The following TMEM72 variants were observed in gnomAD, a reference collection of about 807,000 sequenced individuals.
TMEM72 encodes the protein kidney-specific secretory protein of 37 kDa.
A neutral mutation model predicts 16.3 loss-of-function variants in TMEM72; 9 were observed. The ratio of observed to expected loss-of-function variants is 0.55; its 90% CI spans 0.33 to 0.96. TMEM72 has a LOEUF of 0.96. TMEM72 is among the 40% of genes least tolerant of loss of function. The pLI is 0.03. For synonymous variants in TMEM72, 160 were observed against 146.5 expected (o/e 1.09, Z -0.66); for missense variants, 324 against 337.8 (o/e 0.96, Z 0.32).
intron 3 of TMEM72, among the ~76,000 whole-genome samples, chr10:44,932,938 C>T (rs1351017554): frequency 6.6e-6 from 1 of 152,202 alleles, no homozygotes; most frequent in Non-Finnish European, 1.5e-5. Flanking sequence ...TTTGGGCCAC[C>T]TGGACAGCCT....
chr10:44,933,409 C>G (rs1361955025), intron 3 of TMEM72, among the ~76,000 whole-genome samples: 1 of 152,252 alleles, frequency 6.6e-6, no homozygotes, highest in African/African-American at 2.4e-5. Context: ...CCCCTTCGAC[C>G]AGAAAAACAG....
At chr10:44,915,327 G>C (rs1325920339) in intron 1 of TMEM72, among the ~76,000 whole-genome samples, 1 of 152,284 alleles carries the variant, frequency 6.6e-6, no homozygotes, top group South Asian at 2.1e-4. Context: ...GCTTTGCACT[G>C]TGTATTTTAA....
At chr10:44,918,837 C>T (rs1840049804) in intron 1 of TMEM72, among the ~76,000 whole-genome samples, 1 of 152,042 alleles carries the variant, frequency 6.6e-6, no homozygotes, top group African/African-American at 2.4e-5. Context: ...GCTCCCTAGG[C>T]CCTTCTATCA....
intron 1 of TMEM72, among the ~76,000 whole-genome samples, chr10:44,917,842 A>G (rs1402121855): frequency 2.0e-5 from 3 of 152,198 alleles, no homozygotes; most frequent in African/African-American, 7.2e-5. Flanking sequence ...CTGAGAAGGA[A>G]TAGGAAGTGA....
intron 2 of TMEM72, among the ~76,000 whole-genome samples, chr10:44,929,678 G>A (rs1190142292): frequency 6.6e-6 from 1 of 152,156 alleles, no homozygotes; most frequent in African/African-American, 2.4e-5. Context: ...ACCACCTCTG[G>A]TCCACACCCT....
At chr10:44,934,522 G>A in intron 4 of TMEM72, 134 bp from the exon 5 acceptor site, 1 of 852,034 alleles carries the variant, frequency 1.2e-6, no homozygotes. Flanking sequence ...CCAGGCAAGA[G>A]GGCCAGGGCC....
intron 1 of TMEM72, among the ~76,000 whole-genome samples, chr10:44,926,126 T>C (rs1840186356): frequency 6.7e-6 from 1 of 149,230 alleles, no homozygotes. Flanking sequence ...CACACATACA[T>C]ACACTCACAC....
At chr10:44,926,801 C>T (rs531093541) in intron 1 of TMEM72, among the ~76,000 whole-genome samples, 159 of 152,220 alleles carry the variant, frequency 1.0e-3, no homozygotes, top group African/African-American at 3.8e-3. Context: ...TCCCACCCCC[C>T]ACCCCCAGAA....
rs145493651 is a variant in TMEM72 at position 44,924,821 on chromosome 10, C to T, written c.71-3100C>T. Among the ~76,000 whole-genome samples, 4 of 152,358 alleles carry T rather than the reference C, an allele frequency of 2.6e-5. No homozygotes were observed. In the East Asian group the frequency reaches 7.7e-4, roughly 29 times the overall value. ...CTGGCTCCCCACACTCTCCTCCTCC[C>T]GCCAGGTGGCATTCCTCAGTCTCGG... On this transcript the variant is annotated intron_variant, in intron 1 of 4. Coordinates refer to ENST00000389583, the MANE Select transcript of TMEM72 (RefSeq NM_001123376.3).
chr10:44,923,067 T>C (rs373099138), intron 1 of TMEM72: 20 of 152,314 alleles, frequency 1.3e-4, no homozygotes, highest in African/African-American at 4.6e-4. Flanking sequence ...CAGAACTCAG[T>C]GGAGGCGGCT....
chr10:44,927,050 TG>T (rs1840207010), intron 1 of TMEM72, among the ~76,000 whole-genome samples: 1 of 151,964 alleles, frequency 6.6e-6, no homozygotes, highest in African/African-American at 2.4e-5. Flanking sequence ...CATCTTTGAC[TG>T]GGAGGAAGAG....
chr10:44,925,303 C>T (rs1840167811), intron 1 of TMEM72, among the ~76,000 whole-genome samples: 1 of 152,220 alleles, frequency 6.6e-6, no homozygotes, highest in Non-Finnish European at 1.5e-5. Flanking sequence ...AAATAGCTCT[C>T]CACATGCCAA....
chr10:44,935,330 G>T lies in TMEM72; in HGVS notation c.*196G>T, dbSNP rs899652866. On this transcript the variant is annotated 3_prime_UTR_variant, in exon 5 of 5. Coordinates refer to ENST00000389583, the MANE Select transcript of TMEM72 (RefSeq NM_001123376.3). ...AGGCCTCGAGGGAGGCACAAACAAG[G>T]CTCACGCCACCTCAAGCCAGCACAA... is the stretch of plus-strand genomic sequence containing the variant. The T allele has an allele frequency of 1.9e-6, 1 of 531,484 alleles. No homozygotes were observed. Among genetic ancestry groups the T allele is most frequent in the African/African-American group, 1.9e-5 (1 of 52,090 alleles). 32.9% of individuals were successfully genotyped at this position (531,484 alleles called of 1,614,324 possible).
At chr10:44,920,379 G>A (rs1840076630) in intron 1 of TMEM72, among the ~76,000 whole-genome samples, 1 of 152,242 alleles carries the variant, frequency 6.6e-6, no homozygotes, top group Non-Finnish European at 1.5e-5. Flanking sequence ...CTGAGGCCAG[G>A]GGAATATCCC....
chr10:44,920,287 T>A (rs1172859108), intron 1 of TMEM72: 1 of 152,272 alleles, frequency 6.6e-6, no homozygotes, highest in Non-Finnish European at 1.5e-5. Flanking sequence ...GCAAGACATA[T>A]GTCACAATTC....
At chr10:44,926,295 G>A (rs949267255) in intron 1 of TMEM72, among the ~76,000 whole-genome samples, 4 of 152,090 alleles carry the variant, frequency 2.6e-5, no homozygotes, top group African/African-American at 7.2e-5. Context: ...AGGAAACCGC[G>A]CACCACCTAG....
At chr10:44,913,532 C>A (rs1839968940) in intron 1 of TMEM72, among the ~76,000 whole-genome samples, 1 of 152,178 alleles carries the variant, frequency 6.6e-6, no homozygotes, top group Non-Finnish European at 1.5e-5. Context: ...TATCTCCGCA[C>A]AGGGACTGCT....
intron 2 of TMEM72, 122 bp downstream of exon 2, chr10:44,928,109 G>A: frequency 9.1e-7 from 1 of 1,101,660 alleles, no homozygotes; most frequent in Non-Finnish European, 1.3e-6. Flanking sequence ...TATCTCAGGG[G>A]TGAAGGGAGT....
At chr10:44,913,566 C>A (rs1179416367) in intron 1 of TMEM72, among the ~76,000 whole-genome samples, 1 of 152,156 alleles carries the variant, frequency 6.6e-6, no homozygotes, top group Non-Finnish European at 1.5e-5. Context: ...ATGGGCCTCC[C>A]TCTTGGTTTT....
Sources: gnomAD v4.1 joint callset for allele counts (sites outside exome capture counted in the v4.1 genomes callset) on GRCh38, gnomAD v4.1.1 for gene constraint, MANE v1.5 for transcripts, NCBI Gene and HGNC (gene_info 2026-07-23, HGNC 2026-07-21) for gene names.